Variants in IGSF11 observed in about 807,000 individuals in gnomAD.
IGSF11 encodes CXADR like 1.
In IGSF11, 22 loss-of-function variants were observed where a neutral mutation model predicts 41.0. The ratio of observed to expected loss-of-function variants is 0.54; its 90% CI spans 0.38 to 0.77. The LOEUF is 0.77. Ranked by LOEUF, IGSF11 falls within the 30% of genes least tolerant of loss-of-function variation. The probability of loss-of-function intolerance (pLI) is 0.00; values close to 1 mark genes in which losing one functional copy is unlikely to be tolerated. For missense variants in IGSF11, 444 were observed against 530.8 expected, an observed-to-expected ratio of 0.84 and a Z score of 1.61; for synonymous variants, 219 against 201.3, an observed-to-expected ratio of 1.09 and a Z score of -0.74.
chr3:118,985,070 A>C (rs1034893463), intron 1 of IGSF11, among the ~76,000 whole-genome samples: 1 of 152,128 alleles, frequency 6.6e-6, no homozygotes, highest in South Asian at 2.1e-4. Context: ...CTAATAATGA[A>C]ATAATAATAA....
chr3:119,040,197 C>T (rs749629954), intron 1 of IGSF11, among the ~76,000 whole-genome samples: 3 of 152,182 alleles, frequency 2.0e-5, no homozygotes, highest in Non-Finnish European at 2.9e-5. Context: ...TCAGCTGGCA[C>T]CACCCAGATC....
chr3:118,997,917 A>C (rs1936431588), intron 1 of IGSF11, among the ~76,000 whole-genome samples: 1 of 152,162 alleles, frequency 6.6e-6, no homozygotes, highest in African/African-American at 2.4e-5. Context: ...CTAATAAGTA[A>C]CCATTACTTT....
chr3:119,123,133 T>G (rs1176970206), intron 1 of IGSF11, among the ~76,000 whole-genome samples: 1 of 151,958 alleles, frequency 6.6e-6, no homozygotes, highest in Admixed American at 6.6e-5. Flanking sequence ...GAAAAGTGAG[T>G]CCCAGCCTGG....
chr3:118,929,217 T>A (rs1000092295), intron 2 of IGSF11, among the ~76,000 whole-genome samples: 22 of 152,314 alleles, frequency 1.4e-4, no homozygotes, highest in Middle Eastern at 3.4e-3. Flanking sequence ...TAGAATGACA[T>A]AACAAAAAGC....
Position 119,071,393 on chromosome 3 carries a change from A to G in IGSF11, c.49+33751T>C, listed in dbSNP as rs911902188. Among the ~76,000 whole-genome samples, 6 of 152,312 alleles carry G rather than the reference A, an allele frequency of 3.9e-5. 1 individual carries two copies. Among genetic ancestry groups the G allele is most frequent in the East Asian group, 3.9e-4 (2 of 5,190 alleles). ...CTTTTGGTGTCATATTTAAGAAAGC[A>G]TTCCTTAATCCAAGGCCATGAAGAT... On this transcript the variant is annotated intron_variant, in intron 1 of 6. Transcript: ENST00000354673.
At chr3:119,040,357 T>A (rs1240257801) in intron 1 of IGSF11, among the ~76,000 whole-genome samples, 2 of 152,146 alleles carry the variant, frequency 1.3e-5, no homozygotes. Flanking sequence ...CCTTAAAAAC[T>A]CTGCTCCCTG....
chr3:119,127,309 C>T (rs144006151), intron 1 of IGSF11, among the ~76,000 whole-genome samples: 16 of 149,924 alleles, frequency 1.1e-4, no homozygotes, highest in African/African-American at 4.0e-4. Context: ...TGAAATAAGA[C>T]ATGCAGACAA....
intron 1 of IGSF11, among the ~76,000 whole-genome samples, chr3:119,098,464 G>T (rs887793732): frequency 2.0e-5 from 3 of 152,122 alleles, no homozygotes; most frequent in Non-Finnish European, 4.4e-5. Flanking sequence ...TCATGAAACA[G>T]GGTTCTCTGA....
chr3:119,100,865 T>A (rs768664608), intron 1 of IGSF11, among the ~76,000 whole-genome samples: 1 of 152,170 alleles, frequency 6.6e-6, no homozygotes, highest in African/African-American at 2.4e-5. Context: ...CACAAATATG[T>A]AAATCGAAAG....
intron 1 of IGSF11, among the ~76,000 whole-genome samples, chr3:119,072,989 C>G (rs1166697009): frequency 6.6e-6 from 1 of 151,992 alleles, no homozygotes; most frequent in Non-Finnish European, 1.5e-5. Context: ...CTGTTAAGTC[C>G]CCACTAGATT....
intron 4 of IGSF11, among the ~76,000 whole-genome samples, chr3:118,922,100 C>G (rs781682324): frequency 2.8e-4 from 42 of 151,548 alleles, no homozygotes; most frequent in Non-Finnish European, 5.4e-4. Flanking sequence ...TTGGCAAACC[C>G]AATGGAACAA....
intron 1 of IGSF11, among the ~76,000 whole-genome samples, chr3:119,118,405 G>A (rs541197106): frequency 3.7e-4 from 56 of 152,298 alleles, no homozygotes; most frequent in South Asian, 1.2e-3. Context: ...CTGAAGCCAC[G>A]GCCTGAGCTC....
intron 1 of IGSF11, among the ~76,000 whole-genome samples, chr3:119,076,541 C>T (rs2076502318): frequency 6.6e-6 from 1 of 152,064 alleles, no homozygotes; most frequent in South Asian, 2.1e-4. Flanking sequence ...CCAGAATCTA[C>T]AAAGAACTCA....
intron 1 of IGSF11, among the ~76,000 whole-genome samples, chr3:119,100,301 G>T (rs1254519565): frequency 6.6e-6 from 1 of 152,166 alleles, no homozygotes; most frequent in East Asian, 1.9e-4. Flanking sequence ...TAGAGAAAAA[G>T]ACACAGATAT....
At chr3:118,939,652 T>C (rs899691915) in intron 1 of IGSF11, among the ~76,000 whole-genome samples, 12 of 144,994 alleles carry the variant, frequency 8.3e-5, no homozygotes, top group Admixed American at 8.0e-4. Flanking sequence ...ATATTTTTAA[T>C]TATGTGAGTA....
At chr3:119,083,121 TTTTTC>T (rs2076609832) in intron 1 of IGSF11, among the ~76,000 whole-genome samples, 3 of 108,820 alleles carry the variant, frequency 2.8e-5, no homozygotes, top group Admixed American at 1.0e-4. Flanking sequence ...TTCTTTTTCT[TTTTTC>T]TTTTTTTTTT....
intron 1 of IGSF11, among the ~76,000 whole-genome samples, chr3:119,093,089 T>C (rs1322588247): frequency 6.6e-6 from 1 of 152,188 alleles, no homozygotes; most frequent in African/African-American, 2.4e-5. Context: ...CACATGATTG[T>C]ATATTAAGAT....
intron 1 of IGSF11, among the ~76,000 whole-genome samples, chr3:118,960,362 C>T (rs774625632): frequency 7.2e-5 from 11 of 152,040 alleles, no homozygotes; most frequent in Non-Finnish European, 1.3e-4. Flanking sequence ...AACTATTATA[C>T]GGCTATTTTT....
intron 1 of IGSF11, among the ~76,000 whole-genome samples, chr3:118,985,911 T>C (rs1447722464): frequency 1.3e-5 from 2 of 152,140 alleles, no homozygotes. Context: ...AACCTCAGTA[T>C]AGAGCCTTGA....
Sources: allele counts gnomAD v4.1 joint callset (sites outside exome capture counted in the v4.1 genomes callset), GRCh38; gene constraint gnomAD v4.1.1; transcripts MANE v1.5; gene names NCBI Gene and HGNC (gene_info 2026-07-23, HGNC 2026-07-21).